CEP85L: variants seen among roughly 807,000 people sequenced by gnomAD.
The protein encoded by CEP85L is centrosomal protein of 85 kDa-like.
In CEP85L, 60 loss-of-function variants were observed where a neutral mutation model predicts 100.3. The ratio of observed to expected loss-of-function variants is 0.60; its 90% CI spans 0.49 to 0.74. CEP85L has a LOEUF of 0.74. CEP85L is among the 30% of genes least tolerant of loss of function. The probability of loss-of-function intolerance (pLI) is 0.00; values close to 1 mark genes in which losing one functional copy is unlikely to be tolerated. For synonymous variants in CEP85L, 319 were observed against 322.7 expected, an observed-to-expected ratio of 0.99 and a Z score of 0.12; for missense variants, 973 against 936.2, an observed-to-expected ratio of 1.04 and a Z score of -0.51.
At chr6:118,689,176 CTGCTTTCAGGG>C (rs1444520392) in intron 1 of CEP85L, among the ~76,000 whole-genome samples, 9 of 152,298 alleles carry the variant, frequency 5.9e-5, no homozygotes, top group African/African-American at 2.2e-4. Flanking sequence ...GTCTCAACCT[CTGCTTTCAGGG>C]GAAGCCAAAT....
chr6:118,632,971 G>A (rs1239700372), intron 1 of CEP85L, among the ~76,000 whole-genome samples: 1 of 152,082 alleles, frequency 6.6e-6, no homozygotes, highest in Non-Finnish European at 1.5e-5. Flanking sequence ...ACATACATGC[G>A]TTAGCTGAAA....
chr6:118,675,605 A>T (rs1776457778), intron 1 of CEP85L, among the ~76,000 whole-genome samples: 1 of 151,954 alleles, frequency 6.6e-6, no homozygotes. Flanking sequence ...GAATTAAAAA[A>T]AAAAAATGAC....
At chr6:118,534,622 T>C (rs1013176259) in intron 3 of CEP85L, among the ~76,000 whole-genome samples, 1 of 151,844 alleles carries the variant, frequency 6.6e-6, no homozygotes, top group African/African-American at 2.4e-5. Flanking sequence ...GACAGACCAA[T>C]GAAACAGAAT....
At chr6:118,494,562 G>A (rs569865872) in intron 5 of CEP85L, among the ~76,000 whole-genome samples, 4 of 152,038 alleles carry the variant, frequency 2.6e-5, no homozygotes, top group African/African-American at 9.6e-5. Flanking sequence ...CAACTCCATC[G>A]CCCTCCTGCC....
intron 1 of CEP85L, among the ~76,000 whole-genome samples, chr6:118,645,773 G>T (rs1775140978): frequency 6.6e-6 from 1 of 152,188 alleles, no homozygotes; most frequent in African/African-American, 2.4e-5. Flanking sequence ...CTTGTTCAAT[G>T]ATGTATCCCC....
At chr6:118,615,750 C>T (rs931380479) in intron 2 of CEP85L, among the ~76,000 whole-genome samples, 3 of 152,146 alleles carry the variant, frequency 2.0e-5, no homozygotes, top group African/African-American at 4.8e-5. Flanking sequence ...ACCTACATAC[C>T]GACCTACCAA....
chr6:118,552,890 C>G (rs1778634936), intron 3 of CEP85L, among the ~76,000 whole-genome samples: 1 of 152,066 alleles, frequency 6.6e-6, no homozygotes, highest in Non-Finnish European at 1.5e-5. Context: ...AAACTCCTAA[C>G]AAGCACCTTT....
At position 118,465,438 on chromosome 6, in the gene CEP85L, A is replaced by C; in HGVS notation, c.2385T>G (p.Ala795=). 6.2e-7 allele frequency: 1 copy of C among 1,613,482 alleles called. No homozygotes were observed. The highest frequency in any genetic ancestry group is 8.5e-7 in the Non-Finnish European group (1 of 1,179,572). The change falls in exon 13 of 13, where the codon GCT becomes GCG. Residue 795 remains alanine, a synonymous_variant. Transcript: ENST00000368491. ...ELRTTISDRY[A]QDMGDNCITQ ...TAATGCAGTTGTCTCCCATGTCCTG[A>C]GCATAGCGGTCTGATATTGTAGTCC...
intron 11 of CEP85L, 109 bp downstream of exon 11, chr6:118,470,428 G>A: frequency 3.9e-6 from 2 of 507,110 alleles, no homozygotes; most frequent in Non-Finnish European, 7.0e-6. Flanking sequence ...TAATTAACAG[G>A]CATATCAAAA....
intron 4 of CEP85L, among the ~76,000 whole-genome samples, chr6:118,515,086 G>T (rs1201738698): frequency 6.6e-6 from 1 of 151,942 alleles, no homozygotes; most frequent in Non-Finnish European, 1.5e-5. Context: ...TGGAATTACA[G>T]ATGTGCGCCA....
chr6:118,585,873 A>G (rs1444721162), intron 2 of CEP85L, among the ~76,000 whole-genome samples: 1 of 152,222 alleles, frequency 6.6e-6, no homozygotes, highest in Non-Finnish European at 1.5e-5. Context: ...CTTCACCCAC[A>G]TGCCAAAGAC....
intron 2 of CEP85L, among the ~76,000 whole-genome samples, chr6:118,577,082 C>G (rs532645219): frequency 6.6e-6 from 1 of 152,234 alleles, no homozygotes; most frequent in Admixed American, 6.5e-5. Flanking sequence ...AAGTGAAAAG[C>G]CCTGCAGGTC....
chr6:118,518,678 C>T (rs1421079746), intron 4 of CEP85L, among the ~76,000 whole-genome samples: 1 of 152,154 alleles, frequency 6.6e-6, no homozygotes, highest in Non-Finnish European at 1.5e-5. Context: ...TTTCAAAAAA[C>T]CACCTCCTGG....
rs1314624317 is a variant in CEP85L, at chr6:118,643,444, A to G, written c.73+7753T>C. Reference sequence around the variant, plus strand: ...CTTTCATCCCAAAATCTTTCAGAGAAATATATAACTAAAAACTATAGTTCA... The same window carrying G: ...CTTTCATCCCAAAATCTTTCAGAGAGATATATAACTAAAAACTATAGTTCA... On this transcript the variant is annotated intron_variant, in intron 1 of 12. Transcript: ENST00000368491. Among the ~76,000 whole-genome samples the G allele has an allele frequency of 2.0e-5, 3 of 152,334 alleles. No homozygotes were observed. In the South Asian group the frequency reaches 6.2e-4, roughly 32 times the overall value.
At chr6:118,540,729 C>T (rs1777859965) in intron 3 of CEP85L, among the ~76,000 whole-genome samples, 1 of 151,652 alleles carries the variant, frequency 6.6e-6, no homozygotes, top group African/African-American at 2.4e-5. Flanking sequence ...TGCACTCCAG[C>T]CTGGCAACAG....
intron 3 of CEP85L, among the ~76,000 whole-genome samples, chr6:118,561,542 A>G (rs1483282158): frequency 1.3e-5 from 2 of 152,132 alleles, no homozygotes; most frequent in African/African-American, 4.8e-5. Context: ...AATTTAATAT[A>G]CTAAATGCTC....
chr6:118,688,351 C>T (rs919631158), intron 1 of CEP85L, among the ~76,000 whole-genome samples: 12 of 152,216 alleles, frequency 7.9e-5, no homozygotes, highest in Middle Eastern at 3.4e-3. Context: ...TTGCTGTCTC[C>T]CAAACAGAAT....
intron 10 of CEP85L, among the ~76,000 whole-genome samples, chr6:118,475,067 G>A (rs1266432143): frequency 1.3e-5 from 2 of 152,190 alleles, no homozygotes; most frequent in African/African-American, 2.4e-5. Context: ...ACAATTAGTG[G>A]AGCCTAACAG....
rs556867386 is a variant in CEP85L, at chr6:118,622,995, T to A, written c.232+9458A>T. ...CAGAATGGGGACTCTCATGGGGGCA[T>A]AGTTTTCTCCCCTCAGGGTGGTTAG... is the stretch of plus-strand genomic sequence containing the variant. On this transcript the variant is annotated intron_variant, in intron 2 of 12. Coordinates refer to ENST00000368491, the MANE Select transcript of CEP85L (RefSeq NM_001042475.3). 2.6e-5 allele frequency among the ~76,000 whole-genome samples: 4 copies of A among 152,290 alleles called. No homozygotes were observed. In the South Asian group the frequency reaches 6.2e-4, roughly 24 times the overall value.
Sources: allele counts gnomAD v4.1 joint callset (sites outside exome capture counted in the v4.1 genomes callset), GRCh38; gene constraint gnomAD v4.1.1; transcripts MANE v1.5; gene names NCBI Gene and HGNC (gene_info 2026-07-23, HGNC 2026-07-21).